The following GPC5 variants were observed in gnomAD, a reference collection of about 807,000 sequenced individuals.
GPC5 encodes glypican 5, also known as glypican-5.
A neutral mutation model predicts 53.9 loss-of-function variants in GPC5; 47 were observed. The observed-to-expected ratio is 0.87, with a 90% CI of 0.69 to 1.11. GPC5 has a LOEUF of 1.11. Ranked by LOEUF, GPC5 falls within the 50% of genes most tolerant of loss-of-function variation. The pLI is 0.00. For missense variants in GPC5, 748 were observed against 713.1 expected (o/e 1.05, Z -0.56); for synonymous variants, 286 against 263.3 (o/e 1.09, Z -0.84).
intron 5 of GPC5, among the ~76,000 whole-genome samples, chr13:91,868,159 C>A (rs1415324074): frequency 6.6e-6 from 1 of 151,952 alleles, no homozygotes; most frequent in Non-Finnish European, 1.5e-5. Context: ...AGGAGTAAAC[C>A]AAATATAAGC....
intron 7 of GPC5, among the ~76,000 whole-genome samples, chr13:92,381,450 A>G (rs2043738231): frequency 6.6e-6 from 1 of 152,178 alleles, no homozygotes; most frequent in African/African-American, 2.4e-5. Flanking sequence ...CCACAATGCA[A>G]TACCACCTCT....
intron 6 of GPC5, among the ~76,000 whole-genome samples, chr13:92,133,119 C>CT (rs2041757873): frequency 6.6e-6 from 1 of 152,106 alleles, no homozygotes; most frequent in Non-Finnish European, 1.5e-5. Flanking sequence ...CACCTACCCC[C>CT]TTTCCAAGAC....
chr13:92,384,873 G>T (rs1263012974), intron 7 of GPC5, among the ~76,000 whole-genome samples: 1 of 151,968 alleles, frequency 6.6e-6, no homozygotes, highest in Non-Finnish European at 1.5e-5. Flanking sequence ...CTCTAAAATT[G>T]CTAGATATAT....
In GPC5 at chr13:91,879,779, T is replaced by C. The variant is rs564860158; in HGVS notation, c.1281-28158T>C. On this transcript the variant is annotated intron_variant, in intron 5 of 7. Coordinates refer to ENST00000377067, the MANE Select transcript of GPC5 (RefSeq NM_004466.6). Reference sequence around the variant, plus strand: ...AATATAAAGTAAATAAACAGCTTTATTGTTGTGTTGAATTATATTAATATA... The same window carrying C: ...AATATAAAGTAAATAAACAGCTTTACTGTTGTGTTGAATTATATTAATATA... 3.9e-4 allele frequency among the ~76,000 whole-genome samples: 60 copies of C among 152,312 alleles called. No individual in the cohort carries two copies. The South Asian group carries it at 0.012, about 31-fold the overall frequency.
At chr13:91,904,850 G>A (rs117457681) in intron 5 of GPC5, among the ~76,000 whole-genome samples, 2,924 of 152,126 alleles carry the variant, frequency 0.019, 44 homozygotes, top group Non-Finnish European at 0.031. Flanking sequence ...ACAGTCTAAG[G>A]AAGGGTAAGA....
At chr13:92,033,680 G>T (rs2040871218) in intron 6 of GPC5, among the ~76,000 whole-genome samples, 1 of 152,148 alleles carries the variant, frequency 6.6e-6, no homozygotes, top group Non-Finnish European at 1.5e-5. Context: ...AGATTCTGAA[G>T]AGTAAATTTA....
intron 7 of GPC5, among the ~76,000 whole-genome samples, chr13:92,495,623 G>T (rs1879945501): frequency 1.1e-5 from 1 of 89,996 alleles, no homozygotes; most frequent in Non-Finnish European, 2.2e-5. Context: ...TCTTTAAGGA[G>T]ACTTTTTTTT....
At chr13:92,466,034 T>C (rs1799862212) in intron 7 of GPC5, among the ~76,000 whole-genome samples, 1 of 152,008 alleles carries the variant, frequency 6.6e-6, no homozygotes, top group African/African-American at 2.4e-5. Flanking sequence ...TCAAAATTGC[T>C]AGAAGAGGAC....
At chr13:91,478,583 T>C (rs1297494146) in intron 2 of GPC5, among the ~76,000 whole-genome samples, 2 of 151,428 alleles carry the variant, frequency 1.3e-5, no homozygotes, top group African/African-American at 2.4e-5. Flanking sequence ...CTGTAAATGA[T>C]TGAATTTTGA....
intron 2 of GPC5, among the ~76,000 whole-genome samples, chr13:91,608,628 G>T (rs2033448904): frequency 6.6e-6 from 1 of 152,118 alleles, no homozygotes; most frequent in Non-Finnish European, 1.5e-5. Flanking sequence ...AGCTGAAATT[G>T]CACAAAAAGC....
intron 5 of GPC5, among the ~76,000 whole-genome samples, chr13:91,765,381 C>A (rs542136124): frequency 8.7e-4 from 132 of 152,360 alleles, no homozygotes; most frequent in African/African-American, 3.1e-3. Context: ...AGGTTTCAGT[C>A]ATCTGCTTTT....
chr13:91,831,685 G>C (rs1299828755), intron 5 of GPC5, among the ~76,000 whole-genome samples: 2 of 150,136 alleles, frequency 1.3e-5, no homozygotes, highest in Admixed American at 6.6e-5. Flanking sequence ...GAAAAAAAAA[G>C]GCAGCTTACC....
intron 5 of GPC5, among the ~76,000 whole-genome samples, chr13:91,816,715 C>T (rs566730868): frequency 1.3e-5 from 2 of 152,270 alleles, no homozygotes; most frequent in East Asian, 3.9e-4. Context: ...AGTTTCCCTA[C>T]AACAGTGAGA....
chr13:91,565,251 A>G (rs2031477502), intron 2 of GPC5, among the ~76,000 whole-genome samples: 1 of 152,068 alleles, frequency 6.6e-6, no homozygotes, highest in African/African-American at 2.4e-5. Flanking sequence ...CTGCCTCCCA[A>G]AGTGTTGGGA....
chr13:91,805,078 T>C (rs776732524), intron 5 of GPC5, among the ~76,000 whole-genome samples: 1 of 152,192 alleles, frequency 6.6e-6, no homozygotes, highest in Non-Finnish European at 1.5e-5. Context: ...CCCCTGCCTT[T>C]AGCAAACTGG....
At chr13:91,463,420 G>A (rs1034886377) in intron 2 of GPC5, among the ~76,000 whole-genome samples, 4 of 152,042 alleles carry the variant, frequency 2.6e-5, no homozygotes, top group Admixed American at 6.6e-5. Context: ...AAAGATACAC[G>A]TCCAAGCATG....
At chr13:91,862,430 G>C (rs1462960894) in intron 5 of GPC5, among the ~76,000 whole-genome samples, 2 of 152,128 alleles carry the variant, frequency 1.3e-5, no homozygotes, top group Non-Finnish European at 2.9e-5. Flanking sequence ...GGAATAGGGT[G>C]GGGAAGGTGC....
chr13:92,625,395 A>G (rs2139121925), intron 7 of GPC5, among the ~76,000 whole-genome samples: 1 of 152,362 alleles, frequency 6.6e-6, no homozygotes, highest in Non-Finnish European at 1.5e-5. Context: ...TACTGACTAT[A>G]TAACATCTGA....
chr13:92,740,770 G>C (rs1053694642), intron 7 of GPC5, among the ~76,000 whole-genome samples: 1 of 151,572 alleles, frequency 6.6e-6, no homozygotes, highest in African/African-American at 2.4e-5. Flanking sequence ...GGAAATAATG[G>C]CTGATGTATT....
Sources: allele counts gnomAD v4.1 joint callset (sites outside exome capture counted in the v4.1 genomes callset), GRCh38; gene constraint gnomAD v4.1.1; transcripts MANE v1.5; gene names NCBI Gene and HGNC (gene_info 2026-07-23, HGNC 2026-07-21).